TLN2: variants seen among roughly 807,000 people sequenced by gnomAD.
The protein encoded by TLN2 is talin-2.
Under a neutral mutation model 294.7 loss-of-function variants are expected in TLN2, and 118 were observed. The observed-to-expected ratio is 0.40, with a 90% confidence interval of 0.34 to 0.47. TLN2 has a LOEUF of 0.47. Among genes scored for constraint, TLN2 ranks in the 20% least tolerant of loss-of-function variants. The probability of loss-of-function intolerance (pLI) is 0.84; values close to 1 mark genes in which losing one functional copy is unlikely to be tolerated. For synonymous variants in TLN2, 1,431 were observed against 1,304.5 expected, an observed-to-expected ratio of 1.10 and a Z score of -2.09; for missense variants, 3,083 against 3,282.2, an observed-to-expected ratio of 0.94 and a Z score of 1.48.
Position 62,701,042 on chromosome 15 carries a change from G to A in TLN2, c.1588-64G>A, listed in dbSNP as rs908665048. 5.3e-5 allele frequency: 73 copies of A among 1,379,032 alleles called. No homozygotes were observed. In the Middle Eastern group the frequency reaches 8.1e-4, roughly 15 times the overall value. 85.4% of individuals were successfully genotyped at this position (1,379,032 alleles called of 1,614,324 possible). ...AATGCTGGTGTGATTTTATGGCGGG[G>A]CTTCTCCGGTCTCCTGGGTAATTCT... On this transcript the variant is annotated intron_variant, in intron 16 of 58. Coordinates refer to ENST00000636159, the MANE Select transcript of TLN2 (RefSeq NM_015059.3).
intron 9 of TLN2, among the ~76,000 whole-genome samples, chr15:62,670,529 C>T (rs2055273335): frequency 6.6e-6 from 1 of 152,170 alleles, no homozygotes; most frequent in African/African-American, 2.4e-5. Flanking sequence ...TCTTAGATCC[C>T]TCCTTCTGAT....
At chr15:62,652,270 G>A (rs1049717064) in intron 6 of TLN2, 136 bp downstream of exon 6, 134 of 934,696 alleles carry the variant, frequency 1.4e-4, no homozygotes, top group Non-Finnish European at 5.1e-5. Context: ...AATCCCCAGA[G>A]GGTGTGTCCA....
At chr15:62,541,644 A>C (rs1274628529) in intron 1 of TLN2, among the ~76,000 whole-genome samples, 1 of 152,154 alleles carries the variant, frequency 6.6e-6, no homozygotes, top group Non-Finnish European at 1.5e-5. Flanking sequence ...AGATGGAAAG[A>C]GAATGAGCCA....
intron 41 of TLN2, among the ~76,000 whole-genome samples, chr15:62,767,580 C>A (rs1008352129): frequency 6.6e-6 from 1 of 152,166 alleles, no homozygotes; most frequent in Non-Finnish European, 1.5e-5. Context: ...CTCAGGTGAC[C>A]CACCTGCCTC....
At chr15:62,543,938 T>C (rs1417362151) in intron 1 of TLN2, among the ~76,000 whole-genome samples, 3 of 152,112 alleles carry the variant, frequency 2.0e-5, no homozygotes, top group African/African-American at 4.8e-5. Flanking sequence ...AAACCCAGGA[T>C]AGGGCCTTGG....
chr15:62,461,326 G>C (rs1241823615), intron 1 of TLN2, among the ~76,000 whole-genome samples: 1 of 151,854 alleles, frequency 6.6e-6, no homozygotes, highest in Non-Finnish European at 1.5e-5. Context: ...CATGATGTTT[G>C]TGAGATTTGC....
rs751138602 is a variant in TLN2, at chr15:62,673,927, C to T, written c.852+37C>T. On this transcript the variant is annotated intron_variant, in intron 10 of 58. Transcript: ENST00000636159. ...GTACAGAACTTTATTATTCTCCTCA[C>T]TCCCCATCCTCATTTATTAGTGTGA... 3 of 1,542,328 alleles carry T rather than the reference C, an allele frequency of 1.9e-6. No individual in the cohort carries two copies. In the South Asian group the frequency reaches 3.4e-5, roughly 17 times the overall value.
chr15:62,411,681 C>T (rs1367708549), intron 1 of TLN2, among the ~76,000 whole-genome samples: 1 of 152,052 alleles, frequency 6.6e-6, no homozygotes, highest in Non-Finnish European at 1.5e-5. Flanking sequence ...GTGAATGATG[C>T]CTTTAGTCTT....
At chr15:62,595,159 A>T (rs1454625460) in intron 2 of TLN2, among the ~76,000 whole-genome samples, 2 of 152,176 alleles carry the variant, frequency 1.3e-5, no homozygotes, top group Admixed American at 1.3e-4. Flanking sequence ...GCGGTGGCTC[A>T]CGCCTGTATC....
intron 2 of TLN2, among the ~76,000 whole-genome samples, chr15:62,613,372 C>G (rs2048067507): frequency 1.3e-5 from 2 of 152,156 alleles, no homozygotes; most frequent in African/African-American, 2.4e-5. Context: ...AGAAAGTAGA[C>G]AAACCTGTAC....
chr15:62,407,512 T>C (rs1329058699), intron 1 of TLN2, among the ~76,000 whole-genome samples: 1 of 152,178 alleles, frequency 6.6e-6, no homozygotes, highest in Non-Finnish European at 1.5e-5. Flanking sequence ...TGAGAACAAA[T>C]GTACCCTATC....
chr15:62,457,140 G>A (rs1326228278), intron 1 of TLN2, among the ~76,000 whole-genome samples: 1 of 152,174 alleles, frequency 6.6e-6, no homozygotes, highest in African/African-American at 2.4e-5. Flanking sequence ...TTTTTTCACG[G>A]TTCTGGAGGC....
chr15:62,596,109 CA>C (rs2046483517), intron 2 of TLN2, among the ~76,000 whole-genome samples: 1 of 151,662 alleles, frequency 6.6e-6, no homozygotes, highest in Admixed American at 6.6e-5. Context: ...TAAAAAAATA[CA>C]AAAAATTAGC....
At chr15:62,702,223 C>A in intron 18 of TLN2, 23 bp downstream of exon 18, 1 of 1,557,250 alleles carries the variant, frequency 6.4e-7, no homozygotes, top group Non-Finnish European at 8.7e-7. Context: ...GGCAAGCAAT[C>A]ACTCAGGTTC....
intron 1 of TLN2, among the ~76,000 whole-genome samples, chr15:62,497,041 C>G (rs773125379): frequency 6.6e-6 from 1 of 152,184 alleles, no homozygotes; most frequent in Non-Finnish European, 1.5e-5. Flanking sequence ...CTGTCCCTTA[C>G]ATGTGTGACT....
chr15:62,554,897 G>A (rs1375455139), intron 1 of TLN2, among the ~76,000 whole-genome samples: 2 of 152,070 alleles, frequency 1.3e-5, no homozygotes, highest in African/African-American at 4.8e-5. Context: ...GAAAACTTAA[G>A]GGTCTGGCAG....
Position 62,722,494 on chromosome 15 carries a change from G to C in TLN2, c.3126+7G>C. The C allele has an allele frequency of 4.4e-6, 7 of 1,608,638 alleles. No homozygotes were observed. Among genetic ancestry groups the C allele is most frequent in the Non-Finnish European group, 5.1e-6 (6 of 1,177,402 alleles). On this transcript the variant is annotated splice_region_variant and intron_variant, in intron 26 of 58. Transcript: ENST00000636159. The stretch of plus-strand genomic sequence containing the variant: ...GCGTACCGCCTCGCAGAAGGCAAGT[G>C]GAGCGTGTCATAGGGGTTAACTTGT...
At chr15:62,444,735 G>T (rs1217570646) in intron 1 of TLN2, among the ~76,000 whole-genome samples, 2 of 152,222 alleles carry the variant, frequency 1.3e-5, no homozygotes, top group African/African-American at 4.8e-5. Flanking sequence ...AAGGCAGCAA[G>T]GCAACTATTG....
At chr15:62,717,730 G>T in intron 24 of TLN2, 41 bp downstream of exon 24, 1 of 1,426,250 alleles carries the variant, frequency 7.0e-7, no homozygotes, top group Non-Finnish European at 9.4e-7. Flanking sequence ...AGCTGCAGAT[G>T]ACCCTGATAA....
Sources: gnomAD v4.1 joint callset for allele counts (sites outside exome capture counted in the v4.1 genomes callset) on GRCh38, gnomAD v4.1.1 for gene constraint, MANE v1.5 for transcripts, NCBI Gene and HGNC (gene_info 2026-07-23, HGNC 2026-07-21) for gene names.